Variants in DAAM2 observed in about 807,000 individuals in gnomAD.
DAAM2 encodes dishevelled associated activator of morphogenesis 2.
DAAM2 carries 39 observed loss-of-function variants against 120.7 expected under a neutral mutation model. That is an observed-to-expected ratio of 0.32 (90% CI 0.25 to 0.42). The LOEUF is 0.42. Among genes scored for constraint, DAAM2 ranks in the 10% least tolerant of loss-of-function variants. The pLI, the probability that DAAM2 is intolerant of heterozygous loss-of-function variation, is 1.00. For missense variants in DAAM2, 1,283 were observed against 1,401.7 expected (o/e 0.92, Z 1.35); for synonymous variants, 488 against 524.9 (o/e 0.93, Z 0.96).
chr6:39,797,926 G>T (rs1004929502), intron 1 of DAAM2, among the ~76,000 whole-genome samples: 6 of 152,216 alleles, frequency 3.9e-5, no homozygotes, highest in African/African-American at 1.4e-4. Flanking sequence ...AACCCAGCTT[G>T]TCATCTTGTT....
chr6:39,875,253 C>T, intron 10 of DAAM2, 77 bp from the exon 11 acceptor site: 1 of 1,523,164 alleles, frequency 6.6e-7, no homozygotes, highest in Non-Finnish European at 8.9e-7. Flanking sequence ...CCAGCCAGAC[C>T]CCAGGCAGCA....
At chr6:39,823,918 G>T (rs1251884963) in intron 1 of DAAM2, among the ~76,000 whole-genome samples, 3 of 152,082 alleles carry the variant, frequency 2.0e-5, no homozygotes, top group African/African-American at 7.2e-5. Flanking sequence ...TTTGGGTCTT[G>T]CTGTCATCTC....
At chr6:39,819,122 A>ACTC (rs1762403165) in intron 1 of DAAM2, 2 of 152,296 alleles carry the variant, frequency 1.3e-5, no homozygotes, top group Admixed American at 1.3e-4. Context: ...GCATGCACTA[A>ACTC]CTCACAGAGA....
intron 1 of DAAM2, among the ~76,000 whole-genome samples, chr6:39,844,744 C>T (rs1344054747): frequency 6.6e-6 from 1 of 152,070 alleles, no homozygotes; most frequent in Non-Finnish European, 1.5e-5. Flanking sequence ...GGCACGGGGG[C>T]TGATTTCCAG....
chr6:39,804,212 C>A (rs766148595), intron 1 of DAAM2, among the ~76,000 whole-genome samples: 56 of 152,188 alleles, frequency 3.7e-4, no homozygotes, highest in Non-Finnish European at 6.9e-4. Context: ...AAATGGCGCT[C>A]TGACGAGGTG....
chr6:39,828,393 C>T (rs926093632), intron 1 of DAAM2, among the ~76,000 whole-genome samples: 1 of 152,130 alleles, frequency 6.6e-6, no homozygotes, highest in African/African-American at 2.4e-5. Flanking sequence ...TTCATTCATG[C>T]AGCCAATATT....
intron 1 of DAAM2, chr6:39,819,825 C>G (rs1440456799): frequency 6.6e-6 from 1 of 152,344 alleles, no homozygotes; most frequent in Middle Eastern, 3.4e-3. Context: ...AGACAGCTCT[C>G]TGGGGTCTCT....
intron 1 of DAAM2, chr6:39,848,811 C>T (rs573692263): frequency 6.6e-6 from 1 of 152,298 alleles, no homozygotes; most frequent in African/African-American, 2.4e-5. Flanking sequence ...TCAAATTGTT[C>T]AGGGCAGCAG....
intron 5 of DAAM2, among the ~76,000 whole-genome samples, chr6:39,866,466 T>C (rs1293473425): frequency 6.6e-6 from 1 of 152,232 alleles, no homozygotes; most frequent in Non-Finnish European, 1.5e-5. Flanking sequence ...TTGGGATAAG[T>C]AATGTTATTT....
At chr6:39,849,283 G>A (rs548137966) in intron 1 of DAAM2, among the ~76,000 whole-genome samples, 34 of 152,288 alleles carry the variant, frequency 2.2e-4, no homozygotes, top group South Asian at 6.2e-4. Flanking sequence ...AAAACAGTCC[G>A]TGGGCTGAAC....
intron 10 of DAAM2, among the ~76,000 whole-genome samples, chr6:39,874,787 G>A (rs1764802104): frequency 6.6e-6 from 1 of 152,192 alleles, no homozygotes; most frequent in Non-Finnish European, 1.5e-5. Context: ...TACCTTCATA[G>A]TTCAAGGTCA....
chr6:39,802,056 G>A (rs755824606), intron 1 of DAAM2, among the ~76,000 whole-genome samples: 13 of 152,344 alleles, frequency 8.5e-5, no homozygotes, highest in Middle Eastern at 3.4e-3. Flanking sequence ...CTCTGTCAGT[G>A]TATTAATCAG....
At chr6:39,846,888 CACA>C (rs1763615483) in intron 1 of DAAM2, among the ~76,000 whole-genome samples, 2 of 152,142 alleles carry the variant, frequency 1.3e-5, no homozygotes, top group South Asian at 4.1e-4. Context: ...AAATTGTACA[CACA>C]ACATTTAGGA....
chr6:39,860,732 T>C (rs560434917), intron 2 of DAAM2, among the ~76,000 whole-genome samples, 196 bp from the exon 3 acceptor site: 2 of 151,948 alleles, frequency 1.3e-5, no homozygotes, highest in South Asian at 4.2e-4. Flanking sequence ...TCACATAGGG[T>C]TGGTTGAGGC....
At chr6:39,824,811 C>T (rs1187108954) in intron 1 of DAAM2, among the ~76,000 whole-genome samples, 3 of 152,174 alleles carry the variant, frequency 2.0e-5, no homozygotes, top group African/African-American at 7.2e-5. Context: ...CATGGAATTT[C>T]TGTTCCTCTT....
Position 39,844,043 on chromosome 6 carries a change from C to T in DAAM2, c.-56-12204C>T, listed in dbSNP as rs191901523. On this transcript the variant is annotated intron_variant, in intron 1 of 24. Transcript: ENST00000274867. Reference sequence around the variant, plus strand: ...CTGATTTTCTCTGAGCCTTAATTTCCTTATATGTAAAAATGGAGATCATAT... The same window carrying T: ...CTGATTTTCTCTGAGCCTTAATTTCTTTATATGTAAAAATGGAGATCATAT... Among the ~76,000 whole-genome samples the T allele has an allele frequency of 5.3e-5, 8 of 152,148 alleles. No homozygotes were observed. In the East Asian group the frequency reaches 1.5e-3, roughly 29 times the overall value.
intron 2 of DAAM2, among the ~76,000 whole-genome samples, chr6:39,857,962 T>C (rs1184264908): frequency 1.3e-5 from 2 of 149,684 alleles, no homozygotes; most frequent in South Asian, 4.3e-4. Context: ...ATTCTGGGGG[T>C]GGGGGCATGG....
At chr6:39,833,019 C>G (rs1361670446) in intron 1 of DAAM2, among the ~76,000 whole-genome samples, 1 of 152,168 alleles carries the variant, frequency 6.6e-6, no homozygotes, top group African/African-American at 2.4e-5. Flanking sequence ...AGGTAACTTC[C>G]TCAGCTGTTG....
intron 15 of DAAM2, 37 bp from the exon 16 acceptor site, chr6:39,887,449 C>A: frequency 6.6e-7 from 1 of 1,513,974 alleles, no homozygotes; most frequent in South Asian, 1.2e-5. Flanking sequence ...ATTAGGGAAC[C>A]CACACCTCAA....
Sources: gnomAD v4.1 joint callset for allele counts (sites outside exome capture counted in the v4.1 genomes callset) on GRCh38, gnomAD v4.1.1 for gene constraint, MANE v1.5 for transcripts, NCBI Gene and HGNC (gene_info 2026-07-23, HGNC 2026-07-21) for gene names.